JAM2: variants seen among roughly 807,000 people sequenced by gnomAD.
The protein encoded by JAM2 is junctional adhesion molecule 2, also known as junctional adhesion molecule B.
Under a neutral mutation model 42.0 loss-of-function variants are expected in JAM2, and 17 were observed. The observed-to-expected ratio is 0.40, with a 90% CI of 0.28 to 0.61. The LOEUF is 0.61. JAM2 is among the 20% of genes least tolerant of loss of function. JAM2 has a pLI of 0.37. For synonymous variants in JAM2, 118 were observed against 128.6 expected (o/e 0.92, Z 0.56); for missense variants, 319 against 358.3 (o/e 0.89, Z 0.89).
At chr21:25,695,667 G>A (rs1388044845) in intron 4 of JAM2, among the ~76,000 whole-genome samples, 7 of 151,122 alleles carry the variant, frequency 4.6e-5, no homozygotes, top group Non-Finnish European at 5.9e-5. Flanking sequence ...CTTCCCAGAC[G>A]GGGCGGGGCG....
rs1159257068 is a variant in JAM2, at chr21:25,716,185, A to T, written c.*1513A>T. 6.6e-6 allele frequency: 1 copy of T among 152,120 alleles called. No individual in the cohort carries two copies. Among genetic ancestry groups the T allele is most frequent in the Non-Finnish European group, 1.5e-5 (1 of 68,136 alleles). The allele number at this position is 152,120 out of a possible 1,614,324, so 9.4% of individuals were successfully genotyped here. A position where few individuals can be genotyped will look rare whatever the true frequency, so the allele number is the denominator to read the frequency against. On this transcript the variant is annotated 3_prime_UTR_variant, in exon 10 of 10. Coordinates refer to ENST00000480456, the MANE Select transcript of JAM2 (RefSeq NM_021219.4). Reference sequence around the variant, plus strand: ...GCTAATTTTTGTATTTTAGTAGAGAAGGGTTTCACCATGTTGGCCAGGCTG... The same window carrying T: ...GCTAATTTTTGTATTTTAGTAGAGATGGGTTTCACCATGTTGGCCAGGCTG...
rs565824832 is a variant in JAM2 at position 25,706,148 on chromosome 21, G to A, written c.805+62G>A. The A allele has an allele frequency of 1.2e-5, 12 of 1,025,646 alleles. No homozygotes were observed. The East Asian group carries it at 1.9e-4, about 16-fold the overall frequency. 63.5% of individuals were successfully genotyped at this position (1,025,646 alleles called of 1,614,324 possible). A position where few individuals can be genotyped will look rare whatever the true frequency, so the allele number is the denominator to read the frequency against. On this transcript the variant is annotated intron_variant, in intron 7 of 9. Transcript: ENST00000480456. ...CTATGGCTATGGAGTTTATTTATGAGATACTGTTTCTCCTAGGAAGTTGTT... is the reference window on the plus strand; with the variant it reads ...CTATGGCTATGGAGTTTATTTATGAAATACTGTTTCTCCTAGGAAGTTGTT...
chr21:25,712,003 T>C (rs1273735224), intron 8 of JAM2: 1 of 232,728 alleles, frequency 4.3e-6, no homozygotes, highest in Non-Finnish European at 8.6e-6. Flanking sequence ...TTTGAGATTA[T>C]AATAGTCAAG....
intron 6 of JAM2, among the ~76,000 whole-genome samples, chr21:25,702,479 G>C (rs138497488): frequency 2.2e-3 from 338 of 152,240 alleles, no homozygotes; most frequent in African/African-American, 7.7e-3. Flanking sequence ...AAAATACTTA[G>C]TATTGTATTT....
In JAM2 at chr21:25,693,883, G is replaced by C. The variant is rs749960710; in HGVS notation, c.369G>C (p.Glu123Asp). The C allele has an allele frequency of 6.2e-7, 1 of 1,614,208 alleles. No homozygotes were observed. The highest frequency in any genetic ancestry group is 1.1e-5 in the South Asian group (1 of 91,076). ...CTGAGCAAGGCCAAAACCTGGAAGAGGATACAGTCACTCTGGAAGTATTAG... is the reference window on the plus strand; with the variant it reads ...CTGAGCAAGGCCAAAACCTGGAAGACGATACAGTCACTCTGGAAGTATTAG... ...APSEQGQNLE[E>D]DTVTLEVLVA... is the part of the protein sequence containing the mutation. The change falls in exon 4 of 10, where the codon GAG (glutamate) becomes GAC (aspartate). Residue 123 changes from glutamate to aspartate, a missense_variant. Glu to Asp is a conservative substitution (Grantham distance 45). Transcript: ENST00000480456.
intron 1 of JAM2, among the ~76,000 whole-genome samples, chr21:25,644,476 G>A (rs2032544419): frequency 6.6e-6 from 1 of 152,014 alleles, no homozygotes; most frequent in East Asian, 1.9e-4. Flanking sequence ...CCCCACTCAC[G>A]GCCCTGCGAC....
chr21:25,701,239 G>T (rs1181844096), intron 5 of JAM2, among the ~76,000 whole-genome samples: 1 of 152,198 alleles, frequency 6.6e-6, no homozygotes, highest in Non-Finnish European at 1.5e-5. Flanking sequence ...GCTTTGAGGA[G>T]AGTGACAGAT....
chr21:25,710,963 T>TG (rs1328043882), intron 8 of JAM2, among the ~76,000 whole-genome samples: 1 of 152,164 alleles, frequency 6.6e-6, no homozygotes, highest in African/African-American at 2.4e-5. Flanking sequence ...AAAGCAGTGT[T>TG]GGAGATGCTG....
In JAM2 at chr21:25,644,836, A is replaced by G. The variant is rs547752855; in HGVS notation, c.67+4948A>G. ...AACTTTTACCTTTAAAGTATAACTC[A>G]TAGTGATATAAAGCTGGTTGGTTTT... On this transcript the variant is annotated intron_variant, in intron 1 of 9. Coordinates refer to ENST00000480456, the MANE Select transcript of JAM2 (RefSeq NM_021219.4). 3.3e-5 allele frequency among the ~76,000 whole-genome samples: 5 copies of G among 150,914 alleles called. No homozygotes were observed. The South Asian group carries it at 1.1e-3, about 32-fold the overall frequency.
rs1555870451 is a variant in JAM2, at chr21:25,694,846, A to AT, written c.394+938_394+939insT. Among the ~76,000 whole-genome samples, 128 of 151,424 alleles carry AT rather than the reference A, an allele frequency of 8.5e-4. 1 individual carries two copies. Among genetic ancestry groups the AT allele is most frequent in the South Asian group, 3.8e-3 (18 of 4,780 alleles). ...CAGCAGGACTTTCTCAAAAAAAAAA[A>AT]AAATAAAAAGAATCACTGATAGTAA... On this transcript the variant is annotated intron_variant, in intron 4 of 9. Coordinates refer to ENST00000480456, the MANE Select transcript of JAM2 (RefSeq NM_021219.4).
chr21:25,688,300 GCA>G (rs199818325), intron 2 of JAM2, among the ~76,000 whole-genome samples: 2,639 of 147,974 alleles, frequency 0.018, 34 homozygotes, highest in Non-Finnish European at 0.028. Flanking sequence ...CCACACGCAC[GCA>G]CACACACATG....
At chr21:25,655,520 A>G (rs1358066441) in intron 1 of JAM2, among the ~76,000 whole-genome samples, 1 of 146,518 alleles carries the variant, frequency 6.8e-6, no homozygotes, top group Admixed American at 6.8e-5. Context: ...TCACTCTGTC[A>G]CACAGGCTGG....
At chr21:25,712,176 T>C (rs1334943402) in intron 8 of JAM2, 164 bp from the exon 9 acceptor site, 1 of 657,330 alleles carries the variant, frequency 1.5e-6, no homozygotes, top group Non-Finnish European at 2.8e-6. Flanking sequence ...ATATTGTCTG[T>C]AAATATAAGA....
intron 6 of JAM2, among the ~76,000 whole-genome samples, chr21:25,702,594 G>T (rs550707151): frequency 2.8e-4 from 43 of 152,044 alleles, no homozygotes; most frequent in Non-Finnish European, 5.6e-4. Context: ...AATTGTTGAA[G>T]GTCCAGAAGT....
intron 4 of JAM2, 59 bp downstream of exon 4, chr21:25,693,967 G>A (rs2033940666): frequency 6.4e-7 from 1 of 1,552,212 alleles, no homozygotes; most frequent in African/African-American, 1.4e-5. Flanking sequence ...ACCCAGCCCT[G>A]GGGGCAAGCA....
Position 25,712,419 on chromosome 21 carries a change from GT to G in JAM2, c.864+40del, listed in dbSNP as rs760782769. On this transcript the variant is annotated intron_variant, in intron 9 of 9. Transcript: ENST00000480456. ...TAAAGCATATTTATAGAATGAATAT[GT>G]TTGGGGAATAGGGCAGGGAAATGAA... is the stretch of plus-strand genomic sequence containing the variant. The G allele has an allele frequency of 1.4e-5, 20 of 1,437,962 alleles. No individual in the cohort carries two copies. The South Asian group carries it at 2.3e-4, about 17-fold the overall frequency. 89.1% of individuals were successfully genotyped at this position (1,437,962 alleles called of 1,614,324 possible).
In JAM2 at chr21:25,669,956, G is replaced by C. The variant is rs149540002; in HGVS notation, c.68-13927G>C. Among the ~76,000 whole-genome samples the C allele has an allele frequency of 5.9e-3, 893 of 152,276 alleles. 18 individuals are homozygous for C. The highest frequency in any genetic ancestry group is 0.021 in the African/African-American group (863 of 41,544). The stretch of plus-strand genomic sequence containing the variant: ...CTTTATCCCAATGGGGGTAAAGTCA[G>C]TTCTGATACCACCTTATTAAGACTA... On this transcript the variant is annotated intron_variant, in intron 1 of 9. Transcript: ENST00000480456.
chr21:25,677,686 G>A (rs1440714407), intron 1 of JAM2, among the ~76,000 whole-genome samples: 5 of 152,080 alleles, frequency 3.3e-5, no homozygotes, highest in Non-Finnish European at 7.4e-5. Context: ...TGATACAGAG[G>A]GAACAAAGAT....
Position 25,639,729 on chromosome 21 carries a change from C to T in JAM2, c.-93C>T. 1 of 760,104 alleles carries T rather than the reference C, an allele frequency of 1.3e-6. No homozygotes were observed. Among genetic ancestry groups the T allele is most frequent in the South Asian group, 1.7e-5 (1 of 59,964 alleles). 47.1% of individuals were successfully genotyped at this position (760,104 alleles called of 1,614,324 possible). A position where few individuals can be genotyped will look rare whatever the true frequency, so the allele number is the denominator to read the frequency against. ...TCCCCTCCCGACTCTCTGCTCCTTT[C>T]CCGCCCCAGAAGTTCAAGGGCCCCC... On this transcript the variant is annotated 5_prime_UTR_variant, in exon 1 of 10. Transcript: ENST00000480456.
Sources: allele counts gnomAD v4.1 joint callset (sites outside exome capture counted in the v4.1 genomes callset), GRCh38; gene constraint gnomAD v4.1.1; transcripts MANE v1.5; gene names NCBI Gene and HGNC (gene_info 2026-07-23, HGNC 2026-07-21).